The following ROBO1 variants were observed in gnomAD, a reference collection of about 807,000 sequenced individuals.
The protein encoded by ROBO1 is roundabout guidance receptor 1, also known as roundabout homolog 1.
Under a neutral mutation model 195.9 loss-of-function variants are expected in ROBO1, and 149 were observed. The observed-to-expected ratio is 0.76, with a 90% CI of 0.67 to 0.87. ROBO1 has a LOEUF of 0.87. Ranked by LOEUF, ROBO1 falls within the 40% of genes least tolerant of loss-of-function variation. The pLI is 0.00. For missense variants in ROBO1, 1,933 were observed against 2,068.3 expected (o/e 0.93, Z 1.27); for synonymous variants, 816 against 733.2 (o/e 1.11, Z -1.82).
intron 2 of ROBO1, among the ~76,000 whole-genome samples, chr3:79,363,857 T>C (rs1433389909): frequency 6.6e-6 from 1 of 152,180 alleles, no homozygotes; most frequent in Admixed American, 6.5e-5. Context: ...ACATATATTA[T>C]TATTGCAATC....
chr3:78,943,491 A>G (rs891277758), intron 3 of ROBO1, among the ~76,000 whole-genome samples: 1 of 152,192 alleles, frequency 6.6e-6, no homozygotes, highest in Non-Finnish European at 1.5e-5. Flanking sequence ...AATGTTTTCC[A>G]TATTATTAAA....
At chr3:79,491,788 T>TC (rs1939470441) in intron 2 of ROBO1, among the ~76,000 whole-genome samples, 1 of 152,104 alleles carries the variant, frequency 6.6e-6, no homozygotes, top group Admixed American at 6.5e-5. Context: ...CTGACTTTTT[T>TC]TTTTTTTTTA....
At chr3:79,100,603 C>T (rs910850482) in intron 3 of ROBO1, among the ~76,000 whole-genome samples, 8 of 151,750 alleles carry the variant, frequency 5.3e-5, no homozygotes, top group Non-Finnish European at 1.2e-4. Flanking sequence ...TATCTAAATT[C>T]GGCCTGACTT....
At chr3:78,661,409 G>A in intron 15 of ROBO1, 148 bp from the exon 16 acceptor site, 2 of 477,252 alleles carry the variant, frequency 4.2e-6, no homozygotes, top group Admixed American at 3.9e-5. Flanking sequence ...AATTAGAAAG[G>A]AAAAAATAAA....
At chr3:79,280,668 T>C (rs1432493244) in intron 2 of ROBO1, among the ~76,000 whole-genome samples, 3 of 152,196 alleles carry the variant, frequency 2.0e-5, no homozygotes, top group East Asian at 3.9e-4. Context: ...ACCAGTTTTG[T>C]AGAAGCCAAT....
intron 2 of ROBO1, among the ~76,000 whole-genome samples, chr3:79,264,130 T>C (rs910815658): frequency 5.3e-5 from 8 of 152,078 alleles, no homozygotes; most frequent in African/African-American, 1.9e-4. Flanking sequence ...GTCCAAGCTT[T>C]GTACCATGGC....
intron 2 of ROBO1, among the ~76,000 whole-genome samples, chr3:79,206,606 T>C (rs1254064446): frequency 6.6e-6 from 1 of 152,150 alleles, no homozygotes. Flanking sequence ...GAGAGATCAT[T>C]GTATATTCAT....
intron 2 of ROBO1, among the ~76,000 whole-genome samples, chr3:79,545,847 C>T (rs1416345356): frequency 2.0e-5 from 3 of 152,030 alleles, no homozygotes; most frequent in Admixed American, 2.0e-4. Context: ...ATGGGTGGCC[C>T]AGGAGGGTTT....
chr3:78,982,754 G>C (rs1031885291), intron 3 of ROBO1, among the ~76,000 whole-genome samples: 1 of 151,802 alleles, frequency 6.6e-6, no homozygotes, highest in African/African-American at 2.4e-5. Flanking sequence ...TCAGCCTCCT[G>C]AACAGCTGGG....
intron 5 of ROBO1, among the ~76,000 whole-genome samples, chr3:78,735,487 A>G (rs1273251381): frequency 2.0e-5 from 3 of 152,080 alleles, no homozygotes; most frequent in Non-Finnish European, 2.9e-5. Flanking sequence ...GCTGCAATTT[A>G]TTTTCTTTTT....
At chr3:79,512,450 T>C (rs982422582) in intron 2 of ROBO1, among the ~76,000 whole-genome samples, 5 of 152,190 alleles carry the variant, frequency 3.3e-5, no homozygotes, top group Admixed American at 1.3e-4. Context: ...GTAACTAATT[T>C]GGTTCTCCCA....
At chr3:79,517,189 A>G (rs1011605499) in intron 2 of ROBO1, among the ~76,000 whole-genome samples, 24 of 152,186 alleles carry the variant, frequency 1.6e-4, no homozygotes, top group African/African-American at 5.3e-4. Flanking sequence ...ATTTTTATTG[A>G]CTTCCTCACA....
At chr3:79,232,274 A>T (rs1237299228) in intron 2 of ROBO1, among the ~76,000 whole-genome samples, 5 of 150,296 alleles carry the variant, frequency 3.3e-5, no homozygotes, top group African/African-American at 1.2e-4. Flanking sequence ...TATATATATA[A>T]AATCTCTCTG....
chr3:78,711,348 C>CTTCCTTCCTTCCTTCCTTCCTTCCT (rs1428531321), intron 8 of ROBO1, among the ~76,000 whole-genome samples: 2 of 54,690 alleles, frequency 3.7e-5, no homozygotes, highest in East Asian at 7.8e-4. Context: ...TCCTTCCTTC[C>CTTCCTTCCTTCCTTCCTTCCTTCCT]TCCTTCCTTC....
chr3:79,418,427 A>C (rs1559884819), intron 2 of ROBO1, among the ~76,000 whole-genome samples: 1 of 152,148 alleles, frequency 6.6e-6, no homozygotes, highest in South Asian at 2.1e-4. Flanking sequence ...TTTTGTAAAA[A>C]TGAATTTATT....
intron 4 of ROBO1, among the ~76,000 whole-genome samples, chr3:78,909,607 G>C (rs899110193): frequency 6.6e-6 from 1 of 151,776 alleles, no homozygotes; most frequent in Non-Finnish European, 1.5e-5. Context: ...TAATTTATTT[G>C]TGGTGGTGAA....
At chr3:78,851,496 T>C (rs2034063481) in intron 4 of ROBO1, among the ~76,000 whole-genome samples, 1 of 152,182 alleles carries the variant, frequency 6.6e-6, no homozygotes, top group African/African-American at 2.4e-5. Flanking sequence ...GCTGTGGATA[T>C]TATACTCCAT....
In ROBO1 at chr3:79,408,275, C is replaced by T. The variant is rs193286414; in HGVS notation, c.88+181549G>A. On this transcript the variant is annotated intron_variant, in intron 2 of 30. Transcript: ENST00000464233. ...AATTTGGGAGAAGCCTCCAAAAGAACGCAGAAATAAGCAGAGATTACATAT... is the reference window on the plus strand; with the variant it reads ...AATTTGGGAGAAGCCTCCAAAAGAATGCAGAAATAAGCAGAGATTACATAT... 2.1e-3 allele frequency among the ~76,000 whole-genome samples: 322 copies of T among 151,510 alleles called. 1 individual carries two copies. The highest frequency in any genetic ancestry group is 6.3e-3 in the African/African-American group (262 of 41,392).
chr3:79,018,103 C>G (rs2077998244), intron 3 of ROBO1, among the ~76,000 whole-genome samples: 1 of 152,140 alleles, frequency 6.6e-6, no homozygotes, highest in South Asian at 2.1e-4. Context: ...CTCCTCCCAC[C>G]CTAGTGCTTA....
Sources: gnomAD v4.1 joint callset for allele counts (sites outside exome capture counted in the v4.1 genomes callset) on GRCh38, gnomAD v4.1.1 for gene constraint, MANE v1.5 for transcripts, NCBI Gene and HGNC (gene_info 2026-07-23, HGNC 2026-07-21) for gene names.